The following FSIP2 variants were observed in gnomAD, a reference collection of about 807,000 sequenced individuals.
FSIP2 encodes fibrous sheath-interacting protein 2.
FSIP2 carries 367 observed loss-of-function variants against 510.5 expected under a neutral mutation model. The observed-to-expected ratio is 0.72, with a 90% CI of 0.66 to 0.78. The LOEUF (loss-of-function observed/expected upper bound fraction) is 0.78, where lower values mean the gene tolerates loss of function less well. FSIP2 is among the 30% of genes least tolerant of loss of function. The pLI is 0.00. For synonymous variants in FSIP2, 2,601 were observed against 2,732.2 expected, an observed-to-expected ratio of 0.95 and a Z score of 1.50; for missense variants, 7,594 against 7,901.7, an observed-to-expected ratio of 0.96 and a Z score of 1.48.
chr2:185,739,845 C>A (rs1246496910), intron 2 of FSIP2, among the ~76,000 whole-genome samples: 2 of 152,008 alleles, frequency 1.3e-5, no homozygotes, highest in African/African-American at 2.4e-5. Flanking sequence ...ACGATTTTAA[C>A]TGACAGTATC....
At chr2:185,778,284 A>AT (rs1428204202) in intron 13 of FSIP2, among the ~76,000 whole-genome samples, 1 of 151,952 alleles carries the variant, frequency 6.6e-6, no homozygotes, top group East Asian at 1.9e-4. Context: ...TGTTCTTTAG[A>AT]TTTTCCAACT....
Position 185,796,913 on chromosome 2 carries a change from A to C in FSIP2, c.9777A>C (p.Lys3259Asn). The C allele has an allele frequency of 6.5e-7, 1 of 1,534,990 alleles. No individual in the cohort carries two copies. Among genetic ancestry groups the C allele is most frequent in the South Asian group, 1.2e-5 (1 of 84,018 alleles). ...SNFGSFDQTMKGNSYLPEGSF... is the reference protein window; with the variant it reads ...SNFGSFDQTMNGNSYLPEGSF... Reference sequence around the variant, plus strand: ...TTGGTAGTTTTGATCAGACCATGAAAGGAAATAGCTACCTCCCTGAAGGCA... The same window carrying C: ...TTGGTAGTTTTGATCAGACCATGAACGGAAATAGCTACCTCCCTGAAGGCA... The change falls in exon 16 of 23, where the codon AAA (lysine) becomes AAC (asparagine). Residue 3259 changes from lysine (K) to asparagine (N), a missense_variant. By Grantham distance (94) the Lys-to-Asn change is moderately conservative. Transcript: ENST00000424728.
At chr2:185,755,098 C>A (rs1387535261) in intron 8 of FSIP2, among the ~76,000 whole-genome samples, 1 of 151,338 alleles carries the variant, frequency 6.6e-6, no homozygotes, top group Non-Finnish European at 1.5e-5. Context: ...TCTTTAAGCC[C>A]CACTGTAAAT....
At position 185,800,302 on chromosome 2, in the gene FSIP2, C is replaced by A; in HGVS notation, c.10996C>A (p.Gln3666Lys). 1 of 1,533,526 alleles carries A rather than the reference C, an allele frequency of 6.5e-7. No individual in the cohort carries two copies. The highest frequency in any genetic ancestry group is 1.2e-5 in the South Asian group (1 of 83,754). 95.0% of individuals were successfully genotyped at this position (1,533,526 alleles called of 1,614,324 possible). A position where few individuals can be genotyped will look rare whatever the true frequency, so the allele number is the denominator to read the frequency against. The part of the protein sequence containing the change: ...DWQFSTQQIG[Q>K]LFQKNKLSYL... Reference sequence around the variant, plus strand: ...GCAATTTTCTACTCAACAAATTGGTCAACTTTTTCAAAAAAATAAGTTAAG... The same window carrying A: ...GCAATTTTCTACTCAACAAATTGGTAAACTTTTTCAAAAAAATAAGTTAAG... Residue 3666 changes from glutamine to lysine, a missense_variant, in exon 17 of 23, where the codon CAA becomes AAA. Transcript: ENST00000424728.
Position 185,801,976 on chromosome 2 carries a change from A to G in FSIP2, c.12670A>G (p.Met4224Val), listed in dbSNP as rs1270044747. ...VDSVYCNILQ[M>V]SDSLVSIQKS... ...TTCTGTATATTGTAATATTTTGCAA[A>G]TGTCTGACTCTCTTGTTTCAATACA... Residue 4224 changes from methionine to valine, a missense_variant, in exon 17 of 23, where the codon ATG becomes GTG. Transcript: ENST00000424728. The G allele has an allele frequency of 6.6e-6, 10 of 1,523,914 alleles. No individual in the cohort carries two copies. Among genetic ancestry groups the G allele is most frequent in the Middle Eastern group, 3.4e-4 (2 of 5,906 alleles). 94.4% of individuals were successfully genotyped at this position (1,523,914 alleles called of 1,614,324 possible). A position where few individuals can be genotyped will look rare whatever the true frequency, so the allele number is the denominator to read the frequency against.
Position 185,790,683 on chromosome 2 carries a change from A to T in FSIP2, c.3547A>T (p.Asn1183Tyr). The T allele has an allele frequency of 6.5e-7, 1 of 1,534,112 alleles. No homozygotes were observed. The highest frequency in any genetic ancestry group is 8.7e-7 in the Non-Finnish European group (1 of 1,145,458). ...GTTAAACATACTTCATAAGGCATCA[A>T]ACTACATTTCCAATACCACTAAAAG... is the stretch of plus-strand genomic sequence containing the variant. ...SVLNILHKAS[N>Y]YISNTTKSSI... Residue 1183 changes from asparagine (N) to tyrosine (Y), a missense_variant, in exon 16 of 23, where the codon AAC (asparagine) becomes TAC (tyrosine). Asn to Tyr is a moderately radical substitution (Grantham distance 143). Transcript: ENST00000424728.
At position 185,791,395 on chromosome 2, in the gene FSIP2, G is replaced by A; in HGVS notation, c.4259G>A (p.Gly1420Asp). Residue 1420 changes from glycine to aspartate, a missense_variant, in exon 16 of 23, where the codon GGT becomes GAT. Transcript: ENST00000424728. ...ATPCTHHSVN[G>D]GNHIKENAKL... ...CCTTGTACTCACCACAGTGTCAATG[G>A]TGGAAACCATATTAAAGAGAATGCA... is the stretch of plus-strand genomic sequence containing the variant. 6.5e-7 allele frequency: 1 copy of A among 1,534,214 alleles called. No individual in the cohort carries two copies. Among genetic ancestry groups the A allele is most frequent in the South Asian group, 1.2e-5 (1 of 84,018 alleles).
chr2:185,829,111 C>A (rs1694065943), intron 21 of FSIP2, among the ~76,000 whole-genome samples: 1 of 151,988 alleles, frequency 6.6e-6, no homozygotes, highest in African/African-American at 2.4e-5. Context: ...AAGGGAAATG[C>A]TGAAGCTCTA....
At chr2:185,740,182 C>A (rs1314763305) in intron 2 of FSIP2, among the ~76,000 whole-genome samples, 1 of 152,146 alleles carries the variant, frequency 6.6e-6, no homozygotes, top group Non-Finnish European at 1.5e-5. Context: ...TTGTCTTCTT[C>A]TCCCCAGTCT....
intron 20 of FSIP2, among the ~76,000 whole-genome samples, chr2:185,827,291 G>A (rs1024754765): frequency 1.3e-5 from 2 of 151,564 alleles, no homozygotes; most frequent in African/African-American, 4.8e-5. Flanking sequence ...TGGCCCAAAG[G>A]GTACTTTATA....
Position 185,793,545 on chromosome 2 carries a change from G to A in FSIP2, c.6409G>A (p.Gly2137Ser). Residue 2137 changes from glycine to serine, a missense_variant, in exon 16 of 23, where the codon GGT (glycine) becomes AGT (serine). Transcript: ENST00000424728. Reference protein sequence around the residue: ...SEENSEMFMEGANKIIPKLSV... With the variant: ...SEENSEMFMESANKIIPKLSV... ...AGAAAATTCTGAAATGTTCATGGAG[G>A]GTGCAAATAAGATTATTCCTAAGCT... is the stretch of plus-strand genomic sequence containing the variant. The A allele has an allele frequency of 6.5e-7, 1 of 1,534,054 alleles. No individual in the cohort carries two copies. The highest frequency in any genetic ancestry group is 2.4e-5 in the East Asian group (1 of 40,836).
At chr2:185,739,678 T>C (rs1028401243) in intron 2 of FSIP2, among the ~76,000 whole-genome samples, 7 of 152,158 alleles carry the variant, frequency 4.6e-5, no homozygotes, top group African/African-American at 1.7e-4. Context: ...TTCCAGAAAG[T>C]TTAGATTCTT....
rs1468613655 is a variant in FSIP2 at position 185,793,824 on chromosome 2, A to G, written c.6688A>G (p.Ile2230Val). The G allele has an allele frequency of 6.5e-7, 1 of 1,532,924 alleles. No homozygotes were observed. The highest frequency in any genetic ancestry group is 1.2e-5 in the South Asian group (1 of 83,566). The allele number at this position is 1,532,924 out of a possible 1,614,324, so 95.0% of individuals were successfully genotyped here. ...QKSAYADDNQITVVEKEDTQK... is the reference protein window; with the variant it reads ...QKSAYADDNQVTVVEKEDTQK... ...ATCAGCTTATGCTGATGATAATCAG[A>G]TAACTGTAGTAGAGAAAGAAGACAC... is the stretch of plus-strand genomic sequence containing the variant. Residue 2230 changes from isoleucine (I) to valine (V), a missense_variant, in exon 16 of 23, where the codon ATA (isoleucine) becomes GTA (valine). By Grantham distance (29) the Ile-to-Val change is conservative (BLOSUM62 3). Transcript: ENST00000424728.
At chr2:185,823,090 A>T (rs565757345) in intron 19 of FSIP2, among the ~76,000 whole-genome samples, 3 of 152,012 alleles carry the variant, frequency 2.0e-5, no homozygotes, top group Non-Finnish European at 2.9e-5. Flanking sequence ...TAAACATAAG[A>T]ACTAAAAAAA....
At position 185,766,013 on chromosome 2, in the gene FSIP2, G is replaced by A. The variant is rs1399402563; in HGVS notation, c.1411+1448G>A. ...TGATTTTGTATCCTGAGACTTTGCT[G>A]AAGTTGCTTATCAGCTTAAGGAGAT... On this transcript the variant is annotated intron_variant, in intron 13 of 22. Coordinates refer to ENST00000424728, the MANE Select transcript of FSIP2 (RefSeq NM_173651.4). 5.9e-4 allele frequency: 89 copies of A among 151,456 alleles called. 5 individuals are homozygous for A. The highest frequency in any genetic ancestry group is 1.5e-5 in the Non-Finnish European group (1 of 67,868). The allele number at this position is 151,456 out of a possible 1,614,324, so 9.4% of individuals were successfully genotyped here. A position where few individuals can be genotyped will look rare whatever the true frequency, so the allele number is the denominator to read the frequency against.
rs1691984073 is a variant in FSIP2 at position 185,744,409 on chromosome 2, CA to C, written c.477del (p.Arg160GlufsTer30). 2.2e-6 allele frequency: 2 copies of C among 908,246 alleles called. No homozygotes were observed. Among genetic ancestry groups the C allele is most frequent in the Middle Eastern group, 2.3e-4 (1 of 4,328 alleles). 56.3% of individuals were successfully genotyped at this position (908,246 alleles called of 1,614,324 possible). A position where few individuals can be genotyped will look rare whatever the true frequency, so the allele number is the denominator to read the frequency against. ...LDFERNYIKE[Q>X]RILAKQLHNI... ...CTTTGAGAGAAACTATATAAAAGAACAAGTAAGTTAAATACTTAAATTTGGT... is the reference window on the plus strand; with the variant it reads ...CTTTGAGAGAAACTATATAAAAGAACAGTAAGTTAAATACTTAAATTTGGT... On this transcript the variant is annotated frameshift_variant and splice_region_variant, in exon 4 of 23. Transcript: ENST00000424728. LOFTEE classifies it high-confidence loss of function.
intron 22 of FSIP2, among the ~76,000 whole-genome samples, chr2:185,832,329 T>C (rs1302903238): frequency 6.6e-6 from 1 of 151,880 alleles, no homozygotes; most frequent in East Asian, 1.9e-4. Context: ...AGCAGGGGTG[T>C]GTGGCTTATG....
intron 4 of FSIP2, 122 bp from the exon 5 acceptor site, chr2:185,745,307 A>T: frequency 1.8e-6 from 1 of 553,564 alleles, no homozygotes; most frequent in Non-Finnish European, 2.8e-6. Flanking sequence ...AATGGATTCA[A>T]AATAGATGTA....
At chr2:185,772,641 A>G (rs377501684) in intron 13 of FSIP2, among the ~76,000 whole-genome samples, 4 of 152,170 alleles carry the variant, frequency 2.6e-5, no homozygotes, top group African/African-American at 9.6e-5. Context: ...CCTATGATCC[A>G]AACACTTCCC....
Sources: allele counts gnomAD v4.1 joint callset (sites outside exome capture counted in the v4.1 genomes callset), GRCh38; gene constraint gnomAD v4.1.1; transcripts MANE v1.5; gene names NCBI Gene and HGNC (gene_info 2026-07-23, HGNC 2026-07-21).